SPMIP7: variants seen among roughly 807,000 people sequenced by gnomAD.
The protein encoded by SPMIP7 is protein SPMIP7.
At chr7:50,102,005 G>A in the SPMIP7 span, among the ~76,000 whole-genome samples, 2 of 152,136 alleles carry the variant, frequency 1.3e-5, no homozygotes, top group Non-Finnish European at 2.9e-5. Flanking sequence ...TCGGTCTTCT[G>A]TTTAGAATCT....
At chr7:50,153,121 A>T in the SPMIP7 span, among the ~76,000 whole-genome samples, 1 of 152,234 alleles carries the variant, frequency 6.6e-6, no homozygotes, top group East Asian at 1.9e-4. Context: ...AAAGAAGCAC[A>T]CAAGTAACTG....
the SPMIP7 span, chr7:50,136,175 A>T: frequency 1.3e-6 from 2 of 1,537,210 alleles, no homozygotes; most frequent in African/African-American, 2.7e-5. Context: ...TGTAAGTTTT[A>T]TCTCCTAAAG....
chr7:50,155,294 T>C, the SPMIP7 span, among the ~76,000 whole-genome samples: 1 of 152,226 alleles, frequency 6.6e-6, no homozygotes, highest in Non-Finnish European at 1.5e-5. Context: ...TTTTGAAATG[T>C]TATAAATCCA....
the SPMIP7 span, chr7:50,104,295 G>C: frequency 7.3e-7 from 1 of 1,372,366 alleles, no homozygotes; most frequent in Non-Finnish European, 9.9e-7. Flanking sequence ...AATCCCATTC[G>C]CTTTTTTTGT....
the SPMIP7 span, among the ~76,000 whole-genome samples, chr7:50,127,611 C>T: frequency 1.2e-5 from 1 of 80,286 alleles, no homozygotes; most frequent in Non-Finnish European, 2.3e-5. Context: ...CTATTCATAT[C>T]TTTTTCTATA....
At chr7:50,129,722 AG>A in the SPMIP7 span, 1 of 1,545,316 alleles carries the variant, frequency 6.5e-7, no homozygotes. Context: ...TCTAGGATGA[AG>A]GTGAACCACT....
the SPMIP7 span, chr7:50,104,214 C>T: frequency 2.9e-5 from 13 of 446,158 alleles, no homozygotes; most frequent in East Asian, 7.6e-5. Context: ...AAATGAATTA[C>T]GATCACACAG....
the SPMIP7 span, among the ~76,000 whole-genome samples, chr7:50,134,819 A>G: frequency 7.9e-5 from 12 of 152,338 alleles, no homozygotes; most frequent in East Asian, 2.3e-3. Flanking sequence ...CCATAGCCAG[A>G]TAACTTTTCG....
chr7:50,099,569 C>T, the SPMIP7 span, among the ~76,000 whole-genome samples: 1 of 152,156 alleles, frequency 6.6e-6, no homozygotes, highest in Non-Finnish European at 1.5e-5. Flanking sequence ...TTCAGCCTGG[C>T]CAGAGATTTG....
At chr7:50,140,321 AGTGCCTG>A in the SPMIP7 span, 2 of 472,958 alleles carry the variant, frequency 4.2e-6, no homozygotes, top group African/African-American at 4.1e-5. Flanking sequence ...TGTGGCACAC[AGTGCCTG>A]TTTAATGTCA....
the SPMIP7 span, among the ~76,000 whole-genome samples, chr7:50,112,096 C>T: frequency 6.6e-6 from 1 of 151,924 alleles, no homozygotes; most frequent in African/African-American, 2.4e-5. Flanking sequence ...ACAAAATTAT[C>T]TTGGAATAAT....
the SPMIP7 span, among the ~76,000 whole-genome samples, chr7:50,127,379 C>T: frequency 6.6e-6 from 1 of 151,416 alleles, no homozygotes; most frequent in Non-Finnish European, 1.5e-5. Context: ...CTCAAAAGCA[C>T]AGTCAACAAA....
chr7:50,096,626 G>A, the SPMIP7 span: 5 of 1,541,610 alleles, frequency 3.2e-6, no homozygotes, highest in Non-Finnish European at 4.4e-6. Flanking sequence ...TTCTATCAGA[G>A]CAAGACTTGG....
At chr7:50,155,453 G>C in the SPMIP7 span, among the ~76,000 whole-genome samples, 1 of 152,144 alleles carries the variant, frequency 6.6e-6, no homozygotes, top group Non-Finnish European at 1.5e-5. Context: ...CCTTGTGGCT[G>C]GTTCATGATT....
the SPMIP7 span, chr7:50,151,326 GA>G: frequency 3.3e-3 from 2,406 of 732,418 alleles, 1 homozygote; most frequent in East Asian, 4.0e-3. Flanking sequence ...CCTCATACAG[GA>G]AAAAAAAAAT....
the SPMIP7 span, among the ~76,000 whole-genome samples, chr7:50,106,878 A>T: frequency 1.3e-5 from 2 of 152,200 alleles, no homozygotes; most frequent in Non-Finnish European, 2.9e-5. Context: ...CCAAGGCAGG[A>T]TCACTTGAGG....
At chr7:50,121,988 A>G in the SPMIP7 span, among the ~76,000 whole-genome samples, 1 of 152,006 alleles carries the variant, frequency 6.6e-6, no homozygotes, top group East Asian at 1.9e-4. Flanking sequence ...CACAGGTTCC[A>G]GGGATTTGAA....
the SPMIP7 span, among the ~76,000 whole-genome samples, chr7:50,140,451 A>G: frequency 1.3e-5 from 2 of 152,184 alleles, no homozygotes; most frequent in Non-Finnish European, 2.9e-5. Flanking sequence ...TTTTCCAAAT[A>G]CATTACCTTT....
the SPMIP7 span, among the ~76,000 whole-genome samples, chr7:50,134,894 A>G: frequency 7.2e-5 from 11 of 152,276 alleles, no homozygotes; most frequent in Admixed American, 3.9e-4. Flanking sequence ...TAAAAATAAA[A>G]TCCACACTCC....
Sources: gnomAD v4.1 joint callset for allele counts (sites outside exome capture counted in the v4.1 genomes callset) on GRCh38, gnomAD v4.1.1 for gene constraint, MANE v1.5 for transcripts, NCBI Gene and HGNC (gene_info 2026-07-23, HGNC 2026-07-21) for gene names.